CACNA2D3: variants seen among roughly 807,000 people sequenced by gnomAD.
The protein encoded by CACNA2D3 is voltage-dependent calcium channel subunit alpha-2/delta-3.
CACNA2D3 carries 60 observed loss-of-function variants against 160.6 expected under a neutral mutation model. That is an observed-to-expected ratio of 0.37 (90% CI 0.30 to 0.46). The LOEUF (loss-of-function observed/expected upper bound fraction) is 0.46. CACNA2D3 is among the 20% of genes least tolerant of loss of function. CACNA2D3 has a pLI of 1.00. For synonymous variants in CACNA2D3, 558 were observed against 492.9 expected (o/e 1.13, Z -1.75); for missense variants, 1,205 against 1,365.0 (o/e 0.88, Z 1.85).
At position 54,791,686 on chromosome 3, in the gene CACNA2D3, A is replaced by C. The variant is rs566875401; in HGVS notation, c.1381-25167A>C. On this transcript the variant is annotated intron_variant, in intron 13 of 37. Transcript: ENST00000474759. The stretch of plus-strand genomic sequence containing the variant: ...TTTTTTCCACTTCAAAACAGAGGGC[A>C]GTCACATTGAGACAGATGGGACTTA... Among the ~76,000 whole-genome samples, 282 of 152,320 alleles carry C rather than the reference A, an allele frequency of 1.9e-3. 12 individuals carry two copies. In the South Asian group the frequency reaches 0.057, roughly 31 times the overall value.
At chr3:54,953,768 G>T (rs993540153) in intron 27 of CACNA2D3, among the ~76,000 whole-genome samples, 3 of 152,124 alleles carry the variant, frequency 2.0e-5, no homozygotes, top group Non-Finnish European at 4.4e-5. Flanking sequence ...CAGGCTGTGG[G>T]AATCACTGGG....
At chr3:54,754,597 C>T (rs139088971) in intron 12 of CACNA2D3, among the ~76,000 whole-genome samples, 1 of 152,276 alleles carries the variant, frequency 6.6e-6, no homozygotes, top group East Asian at 1.9e-4. Context: ...CACAGCCCAG[C>T]CTCGTACCAG....
intron 4 of CACNA2D3, among the ~76,000 whole-genome samples, chr3:54,473,298 A>C (rs1326236774): frequency 2.0e-5 from 3 of 152,198 alleles, no homozygotes; most frequent in Non-Finnish European, 4.4e-5. Context: ...TTCCCTATTT[A>C]ATAAATGGTG....
At chr3:54,581,764 C>G (rs1178698354) in intron 8 of CACNA2D3, 39 bp from the exon 9 acceptor site, 1 of 1,530,342 alleles carries the variant, frequency 6.5e-7, no homozygotes, top group East Asian at 2.3e-5. Context: ...CCTTCAATTC[C>G]TTAATTAAGT....
intron 12 of CACNA2D3, among the ~76,000 whole-genome samples, chr3:54,756,862 C>T (rs963631364): frequency 2.0e-5 from 3 of 152,158 alleles, no homozygotes; most frequent in Non-Finnish European, 4.4e-5. Flanking sequence ...CTCCTCCAGT[C>T]TACCAGCAAA....
intron 17 of CACNA2D3, among the ~76,000 whole-genome samples, chr3:54,869,576 C>T (rs940824824): frequency 3.9e-5 from 6 of 152,192 alleles, no homozygotes; most frequent in Non-Finnish European, 7.3e-5. Flanking sequence ...CAAGAAATTA[C>T]GAAAGTTCTG....
At chr3:54,839,828 CA>C in intron 16 of CACNA2D3, among the ~76,000 whole-genome samples, 1 of 152,280 alleles carries the variant, frequency 6.6e-6, no homozygotes, top group African/African-American at 2.4e-5. Context: ...CAAGTCCCTC[CA>C]ATCCCTCGTT....
intron 11 of CACNA2D3, among the ~76,000 whole-genome samples, chr3:54,747,940 A>G (rs1055464500): frequency 2.0e-5 from 3 of 152,228 alleles, no homozygotes; most frequent in African/African-American, 4.8e-5. Flanking sequence ...CAACAAATAC[A>G]TAAACATTCT....
chr3:55,073,429 C>CCTCTTGTT lies in CACNA2D3; in HGVS notation c.2988-14_2988-7dup. On this transcript the variant is annotated splice_polypyrimidine_tract_variant and intron_variant, in intron 35 of 37. Transcript: ENST00000474759. Reference sequence around the variant, plus strand: ...CGGATGGTAAATGACTGCCTCGCTACCTCTTGTTCCAACAGGTCCTTTGTC... The same window carrying CCTCTTGTT: ...CGGATGGTAAATGACTGCCTCGCTACCTCTTGTTCTCTTGTTCCAACAGGTCCTTTGTC... 1 of 1,597,106 alleles carries CCTCTTGTT rather than the reference C, an allele frequency of 6.3e-7. No individual in the cohort carries two copies. Among genetic ancestry groups the CCTCTTGTT allele is most frequent in the Non-Finnish European group, 8.6e-7 (1 of 1,164,500 alleles).
chr3:55,055,071 T>C (rs1428567618), intron 35 of CACNA2D3, among the ~76,000 whole-genome samples: 1 of 152,098 alleles, frequency 6.6e-6, no homozygotes, highest in Non-Finnish European at 1.5e-5. Context: ...TAAACAAGTC[T>C]TTTTTATATA....
chr3:54,392,846 A>G (rs1051467733), intron 4 of CACNA2D3, among the ~76,000 whole-genome samples: 1 of 152,184 alleles, frequency 6.6e-6, no homozygotes, highest in African/African-American at 2.4e-5. Context: ...CTCAGTGTAG[A>G]ACTTCTTTCA....
Position 55,071,104 on chromosome 3 carries a change from T to C in CACNA2D3, c.2988-2341T>C, listed in dbSNP as rs560953966. The stretch of plus-strand genomic sequence containing the variant: ...TTATAATACTTTTTGGTATGAACTC[T>C]TATTTACTATATTTTAATGATATTT... On this transcript the variant is annotated intron_variant, in intron 35 of 37. Coordinates refer to ENST00000474759, the MANE Select transcript of CACNA2D3 (RefSeq NM_018398.3). Among the ~76,000 whole-genome samples the C allele has an allele frequency of 3.9e-5, 6 of 152,282 alleles. No homozygotes were observed. In the East Asian group the frequency reaches 1.2e-3, roughly 29 times the overall value.
intron 2 of CACNA2D3, among the ~76,000 whole-genome samples, chr3:54,238,157 T>C (rs1451451107): frequency 6.6e-6 from 1 of 152,250 alleles, no homozygotes; most frequent in Admixed American, 6.5e-5. Flanking sequence ...TGTAGCATAA[T>C]TTACATGTTA....
At chr3:54,991,199 G>T (rs1037126502) in intron 31 of CACNA2D3, among the ~76,000 whole-genome samples, 19 of 151,930 alleles carry the variant, frequency 1.3e-4, no homozygotes, top group African/African-American at 4.6e-4. Flanking sequence ...AAAATGTGGG[G>T]CCCTGTGTTC....
chr3:54,643,254 A>G (rs942516789), intron 11 of CACNA2D3, among the ~76,000 whole-genome samples: 1 of 151,960 alleles, frequency 6.6e-6, no homozygotes, highest in African/African-American at 2.4e-5. Flanking sequence ...TGTGTCCTCA[A>G]CTCTATCTAG....
chr3:54,818,883 A>G (rs1037575163), intron 14 of CACNA2D3, among the ~76,000 whole-genome samples: 1 of 152,242 alleles, frequency 6.6e-6, no homozygotes, highest in Admixed American at 6.5e-5. Context: ...CTTTGGGGGT[A>G]GTTTGCGGGA....
intron 14 of CACNA2D3, among the ~76,000 whole-genome samples, chr3:54,821,659 TC>T (rs1286391380): frequency 6.9e-5 from 7 of 101,772 alleles, no homozygotes; most frequent in African/African-American, 2.5e-4. Flanking sequence ...TTTCTTTCTT[TC>T]TTTCTTTCTT....
intron 27 of CACNA2D3, among the ~76,000 whole-genome samples, chr3:54,961,783 G>A (rs1702034786): frequency 6.6e-6 from 1 of 152,140 alleles, no homozygotes; most frequent in Non-Finnish European, 1.5e-5. Context: ...AGAAGGGGTG[G>A]GTGACAGGAC....
chr3:54,747,541 G>A (rs927504278), intron 11 of CACNA2D3, among the ~76,000 whole-genome samples: 1 of 152,056 alleles, frequency 6.6e-6, no homozygotes, highest in Non-Finnish European at 1.5e-5. Context: ...TTTACATTAT[G>A]TATCAGCTCA....
Sources: gnomAD v4.1 joint callset for allele counts (sites outside exome capture counted in the v4.1 genomes callset) on GRCh38, gnomAD v4.1.1 for gene constraint, MANE v1.5 for transcripts, NCBI Gene and HGNC (gene_info 2026-07-23, HGNC 2026-07-21) for gene names.